SH3GL2: variants seen among roughly 807,000 people sequenced by gnomAD.
SH3GL2 encodes SH3 domain containing GRB2 like 2, endophilin A1.
Under a neutral mutation model 46.0 loss-of-function variants are expected in SH3GL2, and 24 were observed. The observed-to-expected ratio is 0.52, with a 90% CI of 0.38 to 0.73. The LOEUF (loss-of-function observed/expected upper bound fraction) is 0.73. Ranked by LOEUF, SH3GL2 falls within the 30% of genes least tolerant of loss-of-function variation. The pLI is 0.00. For missense variants in SH3GL2, 413 were observed against 424.2 expected (o/e 0.97, Z 0.23); for synonymous variants, 196 against 147.1 (o/e 1.33, Z -2.40).
At chr9:17,761,547 G>T (rs1343451076) in intron 3 of SH3GL2, 38 bp downstream of exon 3, 1 of 1,255,926 alleles carries the variant, frequency 8.0e-7, no homozygotes, top group Non-Finnish European at 1.2e-6. Context: ...GATCCCTCGA[G>T]GTAACTTTTA....
At chr9:17,733,258 A>T (rs112376061) in intron 1 of SH3GL2, among the ~76,000 whole-genome samples, 2,007 of 151,956 alleles carry the variant, frequency 0.013, 50 homozygotes, top group African/African-American at 0.045. Flanking sequence ...CTCTTTTTTT[A>T]AATTTTTTTT....
chr9:17,794,885 A>T (rs1824235073), intron 8 of SH3GL2, among the ~76,000 whole-genome samples: 1 of 152,252 alleles, frequency 6.6e-6, no homozygotes, highest in African/African-American at 2.4e-5. Flanking sequence ...TAGCCACAGT[A>T]GTAATGTGAA....
intron 1 of SH3GL2, among the ~76,000 whole-genome samples, chr9:17,685,949 A>C (rs1489330037): frequency 2.0e-5 from 3 of 149,898 alleles, no homozygotes; most frequent in African/African-American, 2.5e-5. Context: ...AATGGGATCT[A>C]ATTAAACTAA....
intron 1 of SH3GL2, among the ~76,000 whole-genome samples, chr9:17,738,626 T>TTATATGTATA: frequency 1.3e-5 from 1 of 74,814 alleles, no homozygotes; most frequent in East Asian, 4.6e-4. Context: ...TCATGTGATT[T>TTATATGTATA]TATATATATA....
intron 1 of SH3GL2, among the ~76,000 whole-genome samples, chr9:17,604,872 G>A (rs933026727): frequency 6.6e-6 from 1 of 152,060 alleles, no homozygotes; most frequent in Admixed American, 6.5e-5. Flanking sequence ...AGGGGTCACC[G>A]GACTTCTCTA....
At chr9:17,737,433 T>C (rs76353092) in intron 1 of SH3GL2, among the ~76,000 whole-genome samples, 1,832 of 152,282 alleles carry the variant, frequency 0.012, 40 homozygotes, top group African/African-American at 0.042. Context: ...GTTCCTATTA[T>C]CTGATTCCTA....
chr9:17,678,905 T>G (rs542873314), intron 1 of SH3GL2, among the ~76,000 whole-genome samples: 127 of 152,320 alleles, frequency 8.3e-4, no homozygotes, highest in Non-Finnish European at 1.6e-3. Flanking sequence ...TCCCCATTTC[T>G]TGTTTTTGTC....
intron 6 of SH3GL2, chr9:17,790,359 A>C (rs1197322818): frequency 5.0e-6 from 4 of 807,918 alleles, no homozygotes; most frequent in South Asian, 5.6e-5. Flanking sequence ...TAATCTAGTC[A>C]AGTTGTCACC....
intron 1 of SH3GL2, among the ~76,000 whole-genome samples, chr9:17,728,470 G>A (rs181152640): frequency 6.6e-6 from 1 of 151,640 alleles, no homozygotes; most frequent in East Asian, 1.9e-4. Context: ...AATTATTTAT[G>A]TATGTATGTA....
intron 1 of SH3GL2, among the ~76,000 whole-genome samples, chr9:17,738,173 G>C (rs1383254188): frequency 6.6e-6 from 1 of 151,998 alleles, no homozygotes; most frequent in Non-Finnish European, 1.5e-5. Flanking sequence ...CAGGTATATA[G>C]TAGGCATTCA....
At chr9:17,702,829 T>C (rs1386145399) in intron 1 of SH3GL2, among the ~76,000 whole-genome samples, 2 of 152,104 alleles carry the variant, frequency 1.3e-5, no homozygotes, top group Non-Finnish European at 2.9e-5. Flanking sequence ...GAGATTAATA[T>C]ACTGCAGAAA....
At chr9:17,776,857 A>G (rs546862719) in intron 3 of SH3GL2, among the ~76,000 whole-genome samples, 1 of 152,202 alleles carries the variant, frequency 6.6e-6, no homozygotes, top group African/African-American at 2.4e-5. Flanking sequence ...TCACATGGCC[A>G]TTTTCAAGCT....
intron 1 of SH3GL2, among the ~76,000 whole-genome samples, chr9:17,689,904 G>A (rs1213952283): frequency 6.6e-6 from 1 of 152,008 alleles, no homozygotes; most frequent in Non-Finnish European, 1.5e-5. Context: ...ATGAATTCGG[G>A]GACTTTGTTA....
At chr9:17,607,042 G>T (rs2134572991) in intron 1 of SH3GL2, among the ~76,000 whole-genome samples, 1 of 152,288 alleles carries the variant, frequency 6.6e-6, no homozygotes, top group Middle Eastern at 3.4e-3. Flanking sequence ...GGTTATCGAG[G>T]GAGTTTGTGT....
intron 1 of SH3GL2, among the ~76,000 whole-genome samples, chr9:17,640,036 T>C (rs1193415939): frequency 6.6e-6 from 1 of 152,174 alleles, no homozygotes; most frequent in Non-Finnish European, 1.5e-5. Context: ...GTATTATTAT[T>C]AATATATCTT....
intron 2 of SH3GL2, among the ~76,000 whole-genome samples, chr9:17,756,087 AC>A (rs1269934946): frequency 6.6e-6 from 1 of 152,124 alleles, no homozygotes; most frequent in Non-Finnish European, 1.5e-5. Context: ...CTGTCAAAAC[AC>A]AAAAGCGTCC....
chr9:17,733,454 A>G (rs965001530), intron 1 of SH3GL2, among the ~76,000 whole-genome samples: 6 of 151,878 alleles, frequency 4.0e-5, no homozygotes, highest in African/African-American at 7.3e-5. Context: ...GGCAATCATT[A>G]AAAAGTCAGG....
At position 17,596,630 on chromosome 9, in the gene SH3GL2, G is replaced by A. The variant is rs73641995; in HGVS notation, c.45+17343G>A. Among the ~76,000 whole-genome samples, 545 of 152,316 alleles carry A rather than the reference G, an allele frequency of 3.6e-3. 6 individuals carry two copies. The highest frequency in any genetic ancestry group is 0.012 in the African/African-American group (514 of 41,558). ...AGAGATACCTGAGAAGATAGGAGAC[G>A]TTCCCAGTGATCCCTGTTGAACTTG... On this transcript the variant is annotated intron_variant, in intron 1 of 8. Coordinates refer to ENST00000380607, the MANE Select transcript of SH3GL2 (RefSeq NM_003026.5).
chr9:17,728,970 T>C (rs1462960925), intron 1 of SH3GL2, among the ~76,000 whole-genome samples: 1 of 152,216 alleles, frequency 6.6e-6, no homozygotes, highest in African/African-American at 2.4e-5. Context: ...GAATGATTTA[T>C]AATACTTTTG....
Sources: allele counts gnomAD v4.1 joint callset (sites outside exome capture counted in the v4.1 genomes callset), GRCh38; gene constraint gnomAD v4.1.1; transcripts MANE v1.5; gene names NCBI Gene and HGNC (gene_info 2026-07-23, HGNC 2026-07-21).